Variants in PCDHA11 observed in about 807,000 individuals in gnomAD.
PCDHA11 encodes the protein protocadherin alpha-11.
Under a neutral mutation model 70.3 loss-of-function variants are expected in PCDHA11, and 61 were observed. That is an observed-to-expected ratio of 0.87 (90% CI 0.71 to 1.07). The LOEUF is 1.07. PCDHA11 is among the 50% of genes least tolerant of loss of function. The pLI is 0.00. For synonymous variants in PCDHA11, 633 were observed against 555.1 expected (o/e 1.14, Z -1.97); for missense variants, 1,324 against 1,237.5 (o/e 1.07, Z -1.05).
In PCDHA11 at chr5:141,010,490, A is replaced by C; in HGVS notation, c.*553A>C. 1.6e-6 allele frequency: 1 copy of C among 640,034 alleles called. No individual in the cohort carries two copies. The highest frequency in any genetic ancestry group is 2.4e-6 in the Non-Finnish European group (1 of 411,150). The allele number at this position is 640,034 out of a possible 1,614,324, so 39.6% of individuals were successfully genotyped here. On this transcript the variant is annotated 3_prime_UTR_variant, in exon 4 of 4. Coordinates refer to ENST00000398640, the MANE Select transcript of PCDHA11 (RefSeq NM_018902.5). ...GGAGGGGAAGTGTAAACTTAAAGGG[A>C]CCAGACTTTCTAAATCTTACAACTC...
At chr5:140,873,113 C>T (rs2054104761) in intron 1 of PCDHA11, among the ~76,000 whole-genome samples, 1 of 152,114 alleles carries the variant, frequency 6.6e-6, no homozygotes, top group Admixed American at 6.5e-5. Flanking sequence ...TACCATTTGG[C>T]ACAATATTCA....
intron 1 of PCDHA11, among the ~76,000 whole-genome samples, chr5:140,963,054 T>G (rs1554226381): frequency 6.6e-6 from 1 of 152,174 alleles, no homozygotes; most frequent in Non-Finnish European, 1.5e-5. Flanking sequence ...TATAAGGGTT[T>G]CTACATTGTG....
chr5:140,980,229 T>C (rs2096881022), intron 2 of PCDHA11, among the ~76,000 whole-genome samples: 1 of 152,232 alleles, frequency 6.6e-6, no homozygotes, highest in South Asian at 2.1e-4. Flanking sequence ...TCTGAGCTGT[T>C]GGTGGAGACA....
At chr5:140,967,060 G>T in intron 1 of PCDHA11, 1 of 1,612,802 alleles carries the variant, frequency 6.2e-7, no homozygotes, top group Non-Finnish European at 8.5e-7. Flanking sequence ...CGAGTGGAGC[G>T]CTCTTCGTCA....
chr5:140,989,010 A>G (rs2097325577), intron 3 of PCDHA11: 1 of 152,226 alleles, frequency 6.6e-6, no homozygotes, highest in Non-Finnish European at 1.5e-5. Context: ...GAGACTTATT[A>G]TAGTTTCTTC....
At chr5:140,925,641 T>TATAATAATAATAATA (rs10569930) in intron 1 of PCDHA11, among the ~76,000 whole-genome samples, 21 of 143,352 alleles carry the variant, frequency 1.5e-4, no homozygotes, top group East Asian at 6.1e-4. Context: ...GAACTTAAAG[T>TATAATAATAATAATA]ATAATAATAA....
chr5:140,997,018 A>AT (rs1162959481), intron 3 of PCDHA11, among the ~76,000 whole-genome samples: 3 of 151,882 alleles, frequency 2.0e-5, no homozygotes, highest in Admixed American at 1.3e-4. Flanking sequence ...ATCCTCCAAT[A>AT]TTTTTTTGAA....
intron 2 of PCDHA11, among the ~76,000 whole-genome samples, chr5:140,979,714 T>G (rs1428916313): frequency 4.6e-5 from 7 of 152,270 alleles, no homozygotes; most frequent in African/African-American, 1.7e-4. Context: ...TGATCCAGTA[T>G]CCATGCCATG....
At chr5:140,920,503 A>G (rs1411233164) in intron 1 of PCDHA11, among the ~76,000 whole-genome samples, 1 of 152,126 alleles carries the variant, frequency 6.6e-6, no homozygotes, top group Non-Finnish European at 1.5e-5. Flanking sequence ...AGTTCTACAT[A>G]CTGTTTTATG....
At chr5:140,886,084 G>A (rs1554182347) in intron 1 of PCDHA11, among the ~76,000 whole-genome samples, 1 of 152,140 alleles carries the variant, frequency 6.6e-6, no homozygotes, top group Non-Finnish European at 1.5e-5. Context: ...CCACAACCTG[G>A]ATATTGACAT....
At chr5:140,996,389 A>G (rs543903221) in intron 3 of PCDHA11, among the ~76,000 whole-genome samples, 3 of 152,328 alleles carry the variant, frequency 2.0e-5, no homozygotes, top group Admixed American at 1.3e-4. Context: ...ATAATGCCTC[A>G]TAGAGTTTCA....
At chr5:141,003,158 A>G (rs902811266) in intron 3 of PCDHA11, among the ~76,000 whole-genome samples, 4 of 152,222 alleles carry the variant, frequency 2.6e-5, no homozygotes, top group Non-Finnish European at 5.9e-5. Context: ...GACCTGATCA[A>G]TCCTAGTCCC....
At chr5:140,982,713 A>G (rs2096998735) in intron 3 of PCDHA11, 150 bp downstream of exon 3, 2 of 1,373,774 alleles carry the variant, frequency 1.5e-6, no homozygotes, top group African/African-American at 1.5e-5. Flanking sequence ...CCTTACATAT[A>G]TGATTATTTT....
intron 1 of PCDHA11, among the ~76,000 whole-genome samples, chr5:140,902,368 A>G (rs1554190412): frequency 6.6e-6 from 1 of 151,696 alleles, no homozygotes; most frequent in Admixed American, 6.6e-5. Flanking sequence ...TCTCTTGTCT[A>G]ATTGCTCTAG....
chr5:140,945,927 G>A (rs1036727708), intron 1 of PCDHA11, among the ~76,000 whole-genome samples: 1 of 152,038 alleles, frequency 6.6e-6, no homozygotes, highest in East Asian at 1.9e-4. Flanking sequence ...ACTGATCTGA[G>A]CAATGATGTT....
chr5:140,894,956 A>T (rs2064745767), intron 1 of PCDHA11, among the ~76,000 whole-genome samples: 1 of 152,208 alleles, frequency 6.6e-6, no homozygotes, highest in South Asian at 2.1e-4. Context: ...AATGATAAAA[A>T]TATAATTTTT....
In PCDHA11 at chr5:140,883,374, T is replaced by G. The variant is rs1554177931; in HGVS notation, c.2391+11880T>G. The G allele has an allele frequency of 2.5e-6, 4 of 1,614,054 alleles. No individual in the cohort carries two copies. The African/African-American group carries it at 5.3e-5, about 22-fold the overall frequency. On this transcript the variant is annotated intron_variant, in intron 1 of 3. Transcript: ENST00000398640. ...GAAGACACTCAGCCTAGCGCCATTA[T>G]TGCCCTAATCAGTGTGTCCGATCGT...
intron 1 of PCDHA11, among the ~76,000 whole-genome samples, chr5:140,961,529 T>C (rs1208334511): frequency 2.6e-5 from 4 of 152,244 alleles, no homozygotes; most frequent in Admixed American, 1.3e-4. Flanking sequence ...AAATTCTAGA[T>C]AGACTGTTCC....
At chr5:140,941,629 A>G (rs965702759) in intron 1 of PCDHA11, among the ~76,000 whole-genome samples, 12 of 151,584 alleles carry the variant, frequency 7.9e-5, no homozygotes, top group African/African-American at 2.9e-4. Context: ...CTGCTTCTTA[A>G]TTTCTGTCTT....
Sources: gnomAD v4.1 joint callset for allele counts (sites outside exome capture counted in the v4.1 genomes callset) on GRCh38, gnomAD v4.1.1 for gene constraint, MANE v1.5 for transcripts, NCBI Gene and HGNC (gene_info 2026-07-23, HGNC 2026-07-21) for gene names.